WWOX: variants seen among roughly 807,000 people sequenced by gnomAD.
The protein encoded by WWOX is WW domain-containing oxidoreductase.
In WWOX, 69 loss-of-function variants were observed where a neutral mutation model predicts 46.2. The ratio of observed to expected loss-of-function variants is 1.49; its 90% CI spans 1.23 to 1.82. WWOX has a LOEUF of 1.82. WWOX is among the 40% of genes most tolerant of loss of function. WWOX has a pLI of 0.00. For missense variants in WWOX, 919 were observed against 542.6 expected (o/e 1.69, Z -6.89); for synonymous variants, 359 against 202.6 (o/e 1.77, Z -6.56).
intron 8 of WWOX, among the ~76,000 whole-genome samples, chr16:79,068,944 C>A (rs1055144484): frequency 2.6e-5 from 4 of 152,052 alleles, no homozygotes; most frequent in African/African-American, 9.7e-5. Context: ...CGATTCCCAG[C>A]CAAACATTTC....
chr16:78,679,529 T>A (rs1470186189), intron 8 of WWOX, among the ~76,000 whole-genome samples: 3 of 152,064 alleles, frequency 2.0e-5, no homozygotes, highest in African/African-American at 7.2e-5. Context: ...CCAGCCTGGG[T>A]GACAGAGTGA....
chr16:78,142,370 C>T (rs1373645614), intron 4 of WWOX, among the ~76,000 whole-genome samples: 1 of 152,198 alleles, frequency 6.6e-6, no homozygotes, highest in Admixed American at 6.5e-5. Context: ...GCCACAGGAA[C>T]TCCTCAGCCA....
intron 8 of WWOX, among the ~76,000 whole-genome samples, chr16:79,199,004 C>T (rs1423606793): frequency 1.3e-5 from 2 of 152,176 alleles, no homozygotes; most frequent in Non-Finnish European, 2.9e-5. Context: ...AACTCTGTCA[C>T]TTGCTCTTTG....
At chr16:78,896,741 T>C (rs1202549323) in intron 8 of WWOX, 1 of 145,524 alleles carries the variant, frequency 6.9e-6, no homozygotes, top group African/African-American at 2.7e-5. Flanking sequence ...TGTGGAATAA[T>C]TCTCTTCACA....
chr16:79,037,975 A>C (rs1423547381), intron 8 of WWOX, among the ~76,000 whole-genome samples: 1 of 151,802 alleles, frequency 6.6e-6, no homozygotes, highest in Admixed American at 6.6e-5. Flanking sequence ...CCCCTACATA[A>C]CCAGAAAAAG....
intron 5 of WWOX, among the ~76,000 whole-genome samples, chr16:78,350,355 G>A (rs185094999): frequency 8.2e-6 from 1 of 121,354 alleles, no homozygotes; most frequent in Non-Finnish European, 2.0e-5. Flanking sequence ...AGTATATTCA[G>A]AGAGTTTTGC....
chr16:78,154,718 C>G (rs1290231135), intron 4 of WWOX, among the ~76,000 whole-genome samples: 7 of 151,962 alleles, frequency 4.6e-5, no homozygotes, highest in Non-Finnish European at 1.0e-4. Flanking sequence ...CGGGGTTTTC[C>G]AAGGCATAGC....
At chr16:79,210,773 C>G (rs1339893151) in intron 8 of WWOX, among the ~76,000 whole-genome samples, 1 of 152,120 alleles carries the variant, frequency 6.6e-6, no homozygotes, top group African/African-American at 2.4e-5. Flanking sequence ...TGACAGTATT[C>G]TGTCAGTTTG....
At chr16:79,184,693 A>T (rs561923016) in intron 8 of WWOX, among the ~76,000 whole-genome samples, 88 of 152,294 alleles carry the variant, frequency 5.8e-4, no homozygotes, top group African/African-American at 1.9e-3. Context: ...TGACCCTGAG[A>T]ATTTTCCACC....
chr16:78,782,769 C>T (rs554272227), intron 8 of WWOX, among the ~76,000 whole-genome samples: 1 of 149,842 alleles, frequency 6.7e-6, no homozygotes, highest in Admixed American at 6.7e-5. Context: ...GTCTCATATG[C>T]TGTATTTTAT....
intron 8 of WWOX, among the ~76,000 whole-genome samples, chr16:78,557,962 G>T (rs987107948): frequency 6.6e-6 from 1 of 152,072 alleles, no homozygotes; most frequent in Non-Finnish European, 1.5e-5. Context: ...CTCCCAAAGT[G>T]CAGAGCAGGA....
rs1184731000 is a variant in WWOX at position 78,965,831 on chromosome 16, C to G, written c.1057-245777C>G. Among the ~76,000 whole-genome samples the G allele has an allele frequency of 2.0e-5, 3 of 152,102 alleles. No homozygotes were observed. The South Asian group carries it at 6.2e-4, about 32-fold the overall frequency. ...AGGCTTATTGATTATTTGTTTGATT[C>G]TATTGTGGGCACAGGAGCAGTTCTT... On this transcript the variant is annotated intron_variant, in intron 8 of 8. Coordinates refer to ENST00000566780, the MANE Select transcript of WWOX (RefSeq NM_016373.4).
At chr16:78,986,883 G>A (rs9926344) in intron 8 of WWOX, among the ~76,000 whole-genome samples, 17,491 of 151,988 alleles carry the variant, frequency 0.12, 1,721 homozygotes, top group African/African-American at 0.25. Context: ...TTCAGGATGC[G>A]CAAGAGACTC....
chr16:78,738,705 C>T (rs546787184), intron 8 of WWOX, among the ~76,000 whole-genome samples: 2 of 152,088 alleles, frequency 1.3e-5, no homozygotes, highest in South Asian at 2.1e-4. Context: ...GGAGACGGGT[C>T]GGGGAGACTG....
At chr16:78,345,832 G>A (rs2081085958) in intron 5 of WWOX, among the ~76,000 whole-genome samples, 1 of 117,946 alleles carries the variant, frequency 8.5e-6, no homozygotes, top group Admixed American at 8.5e-5. Flanking sequence ...CATGCCTTTT[G>A]CTTACTTGCT....
chr16:78,370,003 A>C (rs757998460), intron 5 of WWOX, among the ~76,000 whole-genome samples: 1 of 151,762 alleles, frequency 6.6e-6, no homozygotes, highest in Non-Finnish European at 1.5e-5. Context: ...GTCCTGGTGC[A>C]TGTCTGTAAT....
chr16:78,671,315 C>G (rs1328496341), intron 8 of WWOX, among the ~76,000 whole-genome samples: 1 of 152,104 alleles, frequency 6.6e-6, no homozygotes, highest in Non-Finnish European at 1.5e-5. Context: ...GTCCCAGCTA[C>G]TTGGGAGGCT....
intron 8 of WWOX, among the ~76,000 whole-genome samples, chr16:78,649,042 T>A (rs2046907502): frequency 6.6e-6 from 1 of 152,126 alleles, no homozygotes. Flanking sequence ...AGTGTGATCT[T>A]GGCTCACTGC....
chr16:78,741,526 C>G (rs148737997), intron 8 of WWOX, among the ~76,000 whole-genome samples: 1 of 151,836 alleles, frequency 6.6e-6, no homozygotes, highest in African/African-American at 2.4e-5. Context: ...CCACTGCACC[C>G]CAGCCTGGGC....
Sources: allele counts gnomAD v4.1 joint callset (sites outside exome capture counted in the v4.1 genomes callset), GRCh38; gene constraint gnomAD v4.1.1; transcripts MANE v1.5; gene names NCBI Gene and HGNC (gene_info 2026-07-23, HGNC 2026-07-21).